PDE4D: variants seen among roughly 807,000 people sequenced by gnomAD.
PDE4D encodes the protein phosphodiesterase 4D, also known as 3',5'-cyclic-AMP phosphodiesterase 4D.
Under a neutral mutation model 87.4 loss-of-function variants are expected in PDE4D, and 24 were observed. The observed-to-expected ratio is 0.27, with a 90% CI of 0.20 to 0.39. The LOEUF (loss-of-function observed/expected upper bound fraction) is 0.39, where lower values mean the gene tolerates loss of function less well. Ranked by LOEUF, PDE4D falls within the 10% of genes least tolerant of loss-of-function variation. The pLI is 1.00. For missense variants in PDE4D, 714 were observed against 1,041.0 expected, an observed-to-expected ratio of 0.69 and a Z score of 4.32; for synonymous variants, 384 against 383.2, an observed-to-expected ratio of 1.00 and a Z score of -0.02.
At chr5:59,309,467 G>A in intron 1 of PDE4D, among the ~76,000 whole-genome samples, 1 of 152,140 alleles carries the variant, frequency 6.6e-6, no homozygotes, top group East Asian at 1.9e-4. Flanking sequence ...ATTTCACTCA[G>A]CTCTCCACAT....
In PDE4D at chr5:60,060,690, G is replaced by T. The variant is rs114652594; in HGVS notation, c.43-71973C>A. ...TCCTCTTGCAGCCACCTGGGACCTGGCTATTAAATGTTTTTTGTTTTTTCA... is the reference window on the plus strand; with the variant it reads ...TCCTCTTGCAGCCACCTGGGACCTGTCTATTAAATGTTTTTTGTTTTTTCA... On this transcript the variant is annotated intron_variant, in intron 2 of 16. Transcript: ENST00000502484. Among the ~76,000 whole-genome samples the T allele has an allele frequency of 2.7e-3, 403 of 152,070 alleles. 3 individuals are homozygous for T. Among genetic ancestry groups the T allele is most frequent in the African/African-American group, 9.3e-3 (388 of 41,506 alleles).
intron 1 of PDE4D, among the ~76,000 whole-genome samples, chr5:59,505,369 T>C (rs751673037): frequency 2.6e-5 from 4 of 152,188 alleles, no homozygotes; most frequent in African/African-American, 4.8e-5. Flanking sequence ...ATTACCAGAT[T>C]ACTCTTTTTA....
In PDE4D at chr5:60,241,666, C is replaced by G. The variant is rs116779142; in HGVS notation, c.-89-55979G>C. On this transcript the variant is annotated intron_variant, in intron 1 of 16. Coordinates refer to the PDE4D transcript ENST00000502484. Reference sequence around the variant, plus strand: ...CAAAATAAAAAAGAATAAAGCATGCCTACAAGATCTAGAAAATAGCCTCAA... The same window carrying G: ...CAAAATAAAAAAGAATAAAGCATGCGTACAAGATCTAGAAAATAGCCTCAA... 4.0e-3 allele frequency among the ~76,000 whole-genome samples: 610 copies of G among 152,064 alleles called. 5 individuals are homozygous for G. The highest frequency in any genetic ancestry group is 0.014 in the African/African-American group (578 of 41,474).
rs193125060 is a variant in PDE4D at position 59,226,359 on chromosome 5, T to C, written c.456-10391A>G. Among the ~76,000 whole-genome samples the C allele has an allele frequency of 5.3e-5, 8 of 152,280 alleles. No individual in the cohort carries two copies. The East Asian group carries it at 9.7e-4, about 18-fold the overall frequency. On this transcript the variant is annotated intron_variant, in intron 1 of 14. Transcript: ENST00000340635. ...TCATATGCTACAACATGGATGAATTTTGAGGACATTATGCCAAGTGAAATA... is the reference window on the plus strand; with the variant it reads ...TCATATGCTACAACATGGATGAATTCTGAGGACATTATGCCAAGTGAAATA...
At chr5:59,584,894 C>T (rs1259363474) in intron 1 of PDE4D, among the ~76,000 whole-genome samples, 2 of 152,110 alleles carry the variant, frequency 1.3e-5, no homozygotes, top group African/African-American at 2.4e-5. Context: ...CTACTACGTG[C>T]CAGGAACTGT....
At chr5:60,274,431 A>G (rs4283754) in intron 1 of PDE4D, among the ~76,000 whole-genome samples, 94,379 of 151,836 alleles carry the variant, frequency 0.62, 30,771 homozygotes, top group African/African-American at 0.82. Flanking sequence ...TGCAATCTCG[A>G]CTCACTGCAA....
At chr5:59,901,378 G>C (rs1376382331) in intron 3 of PDE4D, among the ~76,000 whole-genome samples, 4 of 152,130 alleles carry the variant, frequency 2.6e-5, no homozygotes, top group Admixed American at 2.0e-4. Context: ...TATTAGAATA[G>C]TATTATAGTA....
intron 1 of PDE4D, among the ~76,000 whole-genome samples, chr5:60,516,886 C>T (rs1750823581): frequency 6.6e-6 from 1 of 152,172 alleles, no homozygotes; most frequent in African/African-American, 2.4e-5. Context: ...CTGTTGGGAG[C>T]TGGGAACAGG....
At chr5:59,079,416 T>C (rs1035962520) in intron 5 of PDE4D, among the ~76,000 whole-genome samples, 1 of 152,132 alleles carries the variant, frequency 6.6e-6, no homozygotes, top group African/African-American at 2.4e-5. Context: ...TTCTAATACA[T>C]TTCTACACAC....
intron 1 of PDE4D, among the ~76,000 whole-genome samples, chr5:60,207,409 T>C (rs750455223): frequency 5.9e-5 from 9 of 152,232 alleles, no homozygotes; most frequent in Non-Finnish European, 1.3e-4. Flanking sequence ...GGCAGGGCCC[T>C]ACTTTAAGAC....
chr5:59,994,442 C>T (rs1184271565), intron 2 of PDE4D, among the ~76,000 whole-genome samples: 1 of 151,948 alleles, frequency 6.6e-6, no homozygotes, highest in Non-Finnish European at 1.5e-5. Context: ...TCTTTCTTGG[C>T]ATGCAGTGAG....
At chr5:59,117,489 G>A (rs1345870192) in intron 5 of PDE4D, among the ~76,000 whole-genome samples, 1 of 151,990 alleles carries the variant, frequency 6.6e-6, no homozygotes, top group Non-Finnish European at 1.5e-5. Context: ...CGGTGGGAGT[G>A]TTTGTTCCTT....
intron 2 of PDE4D, among the ~76,000 whole-genome samples, chr5:60,063,097 AG>A (rs1182260528): frequency 2.6e-5 from 1 of 38,110 alleles, no homozygotes; most frequent in Non-Finnish European, 5.0e-5. Flanking sequence ...GAAAGAAAGA[AG>A]AAAGAAAGAA....
At chr5:59,031,248 G>A (rs1481302343) in intron 6 of PDE4D, among the ~76,000 whole-genome samples, 1 of 151,474 alleles carries the variant, frequency 6.6e-6, no homozygotes, top group Non-Finnish European at 1.5e-5. Flanking sequence ...CAAAGGAACT[G>A]AAATTGGTAC....
intron 1 of PDE4D, among the ~76,000 whole-genome samples, chr5:59,311,549 A>T (rs1292295181): frequency 6.6e-6 from 1 of 150,690 alleles, no homozygotes; most frequent in African/African-American, 2.4e-5. Context: ...AAAGATGAAG[A>T]AGAAGGGACT....
At position 59,904,724 on chromosome 5, in the gene PDE4D, A is replaced by G. The variant is rs554243017; in HGVS notation, c.272+83764T>C. 2.0e-5 allele frequency among the ~76,000 whole-genome samples: 3 copies of G among 152,304 alleles called. No individual in the cohort carries two copies. In the South Asian group the frequency reaches 6.2e-4, roughly 32 times the overall value. On this transcript the variant is annotated intron_variant, in intron 3 of 16. Transcript: ENST00000502484. ...AAGGAATACATGTTCTCTCCAAAAGAGAGAGGATAGGTACCTGGGGAACAC... is the reference window on the plus strand; with the variant it reads ...AAGGAATACATGTTCTCTCCAAAAGGGAGAGGATAGGTACCTGGGGAACAC...
At chr5:59,757,387 C>T (rs1163407266) in intron 1 of PDE4D, among the ~76,000 whole-genome samples, 1 of 152,098 alleles carries the variant, frequency 6.6e-6, no homozygotes, top group African/African-American at 2.4e-5. Flanking sequence ...ATCTCTGAAA[C>T]ACTATTTCTG....
chr5:59,458,241 C>G (rs1306421069), intron 1 of PDE4D, among the ~76,000 whole-genome samples: 1 of 152,140 alleles, frequency 6.6e-6, no homozygotes, highest in African/African-American at 2.4e-5. Context: ...TAGAAAGAAA[C>G]TATTAATTTT....
chr5:59,599,236 C>CTT (rs11409094), intron 1 of PDE4D, among the ~76,000 whole-genome samples: 8,286 of 142,196 alleles, frequency 0.058, 355 homozygotes, highest in East Asian at 0.14. Flanking sequence ...TTTGCTTTTT[C>CTT]TTTTTTTTTT....
Sources: gnomAD v4.1 joint callset for allele counts (sites outside exome capture counted in the v4.1 genomes callset) on GRCh38, gnomAD v4.1.1 for gene constraint, MANE v1.5 for transcripts, NCBI Gene and HGNC (gene_info 2026-07-23, HGNC 2026-07-21) for gene names.